NLGN1: variants seen among roughly 807,000 people sequenced by gnomAD.
NLGN1 encodes neuroligin 1.
Under a neutral mutation model 65.5 loss-of-function variants are expected in NLGN1, and 12 were observed. The observed-to-expected ratio is 0.18, with a 90% CI of 0.12 to 0.30. NLGN1 has a LOEUF of 0.30. NLGN1 is among the 10% of genes least tolerant of loss of function. The probability of loss-of-function intolerance (pLI) is 1.00; values close to 1 mark genes in which losing one functional copy is unlikely to be tolerated. For synonymous variants in NLGN1, 350 were observed against 359.5 expected (o/e 0.97, Z 0.30); for missense variants, 750 against 1,007.1 (o/e 0.74, Z 3.46).
intron 4 of NLGN1, among the ~76,000 whole-genome samples, chr3:174,153,160 G>C (rs996254646): frequency 6.6e-6 from 1 of 152,106 alleles, no homozygotes; most frequent in Non-Finnish European, 1.5e-5. Flanking sequence ...GGCACTTCTT[G>C]AAGAGGCTTA....
intron 4 of NLGN1, among the ~76,000 whole-genome samples, chr3:174,177,198 A>G (rs1198302309): frequency 6.6e-6 from 1 of 152,078 alleles, no homozygotes; most frequent in Non-Finnish European, 1.5e-5. Flanking sequence ...TCTTATTAAA[A>G]TATTCATGGA....
chr3:174,120,230 G>A (rs897093757), intron 4 of NLGN1, among the ~76,000 whole-genome samples: 2 of 152,136 alleles, frequency 1.3e-5, no homozygotes, highest in African/African-American at 4.8e-5. Context: ...GCTCACGCCT[G>A]TAATCCCAGC....
At chr3:173,603,577 A>C (rs1368449050) in intron 2 of NLGN1, among the ~76,000 whole-genome samples, 1 of 152,120 alleles carries the variant, frequency 6.6e-6, no homozygotes, top group Non-Finnish European at 1.5e-5. Context: ...CTTGTCTGCA[A>C]AAAAAGATGT....
intron 3 of NLGN1, among the ~76,000 whole-genome samples, chr3:173,695,976 T>A (rs1766159178): frequency 6.6e-6 from 1 of 152,136 alleles, no homozygotes; most frequent in African/African-American, 2.4e-5. Context: ...CATGTCTGGC[T>A]AATTTTTGTA....
At chr3:173,455,098 A>T (rs1408312680) in intron 2 of NLGN1, among the ~76,000 whole-genome samples, 1 of 152,204 alleles carries the variant, frequency 6.6e-6, no homozygotes, top group African/African-American at 2.4e-5. Context: ...CTCCAAAACA[A>T]TTACAAAAGT....
At chr3:174,110,426 C>G (rs1714932807) in intron 4 of NLGN1, among the ~76,000 whole-genome samples, 1 of 151,738 alleles carries the variant, frequency 6.6e-6, no homozygotes, top group African/African-American at 2.4e-5. Flanking sequence ...CTGTTTTTGC[C>G]TGGATCCGAC....
At chr3:173,494,146 TGTGC>T (rs767944679) in intron 2 of NLGN1, among the ~76,000 whole-genome samples, 1 of 142,944 alleles carries the variant, frequency 7.0e-6, no homozygotes, top group Non-Finnish European at 1.5e-5. Flanking sequence ...TGTGTGTGTG[TGTGC>T]GCGTGCATGT....
chr3:173,645,960 T>C (rs998556), intron 3 of NLGN1, among the ~76,000 whole-genome samples: 64,723 of 151,964 alleles, frequency 0.43, 15,002 homozygotes, highest in African/African-American at 0.63. Flanking sequence ...TGGGCATTGT[T>C]ATCTTGGTTC....
At chr3:174,079,725 G>T (rs941883731) in intron 4 of NLGN1, among the ~76,000 whole-genome samples, 1 of 152,184 alleles carries the variant, frequency 6.6e-6, no homozygotes, top group Non-Finnish European at 1.5e-5. Context: ...ATGAGATTAT[G>T]TCCTTTGCAG....
chr3:174,166,361 T>A (rs559809134), intron 4 of NLGN1, among the ~76,000 whole-genome samples: 2 of 152,234 alleles, frequency 1.3e-5, no homozygotes, highest in Admixed American at 6.6e-5. Context: ...ACACTGCTTT[T>A]TCTGTATCAG....
intron 4 of NLGN1, among the ~76,000 whole-genome samples, chr3:174,082,941 G>A (rs1439622263): frequency 2.0e-5 from 3 of 152,096 alleles, no homozygotes; most frequent in African/African-American, 7.2e-5. Flanking sequence ...TGGCCAGGCT[G>A]GTCTTGAACT....
rs577985198 is a variant in NLGN1 at position 173,760,012 on chromosome 3, G to A, written c.494-47668G>A. On this transcript the variant is annotated intron_variant, in intron 3 of 6. Coordinates refer to ENST00000457714, the Ensembl canonical transcript of NLGN1. Reference sequence around the variant, plus strand: ...CTAAATTAGACCATCCTTTTCAAACGAATTGAAATACCTCCTTAGTGATCC... The same window carrying A: ...CTAAATTAGACCATCCTTTTCAAACAAATTGAAATACCTCCTTAGTGATCC... Among the ~76,000 whole-genome samples, 116 of 151,848 alleles carry A rather than the reference G, an allele frequency of 7.6e-4. 1 individual carries two copies. The highest frequency in any genetic ancestry group is 2.7e-3 in the African/African-American group (111 of 41,464).
chr3:174,109,795 G>C (rs1226806337), intron 4 of NLGN1, among the ~76,000 whole-genome samples: 1 of 151,904 alleles, frequency 6.6e-6, no homozygotes, highest in Non-Finnish European at 1.5e-5. Context: ...GTTTAATGTT[G>C]CTTTCAAGGA....
intron 4 of NLGN1, among the ~76,000 whole-genome samples, chr3:173,969,658 GA>G (rs1356786515): frequency 6.6e-6 from 1 of 152,074 alleles, no homozygotes; most frequent in African/African-American, 2.4e-5. Flanking sequence ...ATTCTATGAT[GA>G]CTATCTGGAA....
intron 2 of NLGN1, among the ~76,000 whole-genome samples, chr3:173,514,829 G>A (rs1222331395): frequency 6.6e-6 from 1 of 152,112 alleles, no homozygotes; most frequent in East Asian, 1.9e-4. Flanking sequence ...GTCACATATG[G>A]CAGCATTTCC....
At chr3:173,705,878 T>C (rs1292796251) in intron 3 of NLGN1, among the ~76,000 whole-genome samples, 1 of 152,130 alleles carries the variant, frequency 6.6e-6, no homozygotes, top group Non-Finnish European at 1.5e-5. Flanking sequence ...GTTGTAGCAA[T>C]AACTCTTCTT....
chr3:174,176,512 T>A (rs1465980207), intron 4 of NLGN1, among the ~76,000 whole-genome samples: 2 of 152,016 alleles, frequency 1.3e-5, no homozygotes, highest in Non-Finnish European at 2.9e-5. Flanking sequence ...TCCCTTTCTC[T>A]ACTAAGCAGA....
At position 174,280,965 on chromosome 3, in the gene NLGN1, T is replaced by G; in HGVS notation, c.2134T>G (p.Cys712Gly). The change falls in exon 7 of 7, where the codon TGC (cysteine) becomes GGC (glycine). Residue 712 changes from cysteine (C) to glycine (G), a missense_variant. Cys to Gly is a radical substitution (Grantham distance 159). Transcript: ENST00000457714. The surrounding 1 kb of genome is among the most constrained non-coding windows in gnomAD (Gnocchi z 4.9). ...GAGGAGACATGATGTTCACAGGAGATGCAGCCCTCAGCGCACTACTACCAA... is the reference window on the plus strand; with the variant it reads ...GAGGAGACATGATGTTCACAGGAGAGGCAGCCCTCAGCGCACTACTACCAA... 1.2e-6 allele frequency: 2 copies of G among 1,613,406 alleles called. No individual in the cohort carries two copies. The highest frequency in any genetic ancestry group is 1.7e-6 in the Non-Finnish European group (2 of 1,179,606).
chr3:173,842,616 A>G (rs1189030323), intron 4 of NLGN1, among the ~76,000 whole-genome samples: 1 of 152,214 alleles, frequency 6.6e-6, no homozygotes, highest in Non-Finnish European at 1.5e-5. Flanking sequence ...ATGGCAGACA[A>G]ATCTTAAAGC....
Sources: allele counts gnomAD v4.1 joint callset (sites outside exome capture counted in the v4.1 genomes callset), GRCh38; gene constraint gnomAD v4.1.1; non-coding constraint Gnocchi (gnomAD v3.1); transcripts MANE v1.5; gene names NCBI Gene and HGNC (gene_info 2026-07-23, HGNC 2026-07-21).